DPF3: variants seen among roughly 807,000 people sequenced by gnomAD.
DPF3 encodes the protein double PHD fingers 3.
A neutral mutation model predicts 56.8 loss-of-function variants in DPF3; 18 were observed. That is an observed-to-expected ratio of 0.32 (90% CI 0.22 to 0.47). The LOEUF (loss-of-function observed/expected upper bound fraction) is 0.47. DPF3 is among the 20% of genes least tolerant of loss of function. The pLI, the probability that DPF3 is intolerant of heterozygous loss-of-function variation, is 1.00. For synonymous variants in DPF3, 188 were observed against 180.2 expected, an observed-to-expected ratio of 1.04 and a Z score of -0.35; for missense variants, 403 against 488.8, an observed-to-expected ratio of 0.82 and a Z score of 1.65.
chr14:72,692,964 A>T (rs1391069130), intron 7 of DPF3, 112 bp downstream of exon 7: 2 of 1,534,480 alleles, frequency 1.3e-6, no homozygotes, highest in African/African-American at 2.7e-5. Flanking sequence ...CATTGAGACC[A>T]CTCAACGGTT....
intron 5 of DPF3, among the ~76,000 whole-genome samples, chr14:72,718,146 C>G (rs1468809346): frequency 7.0e-6 from 1 of 143,552 alleles, no homozygotes; most frequent in Non-Finnish European, 1.6e-5. Flanking sequence ...AAGTAGAGGC[C>G]AGAAACCACC....
At chr14:72,830,537 C>T (rs1162531738) in intron 1 of DPF3, among the ~76,000 whole-genome samples, 1 of 151,462 alleles carries the variant, frequency 6.6e-6, no homozygotes, top group Non-Finnish European at 1.5e-5. Flanking sequence ...TGTTCCAAGC[C>T]TCCCTTTCCT....
intron 1 of DPF3, among the ~76,000 whole-genome samples, chr14:72,888,695 A>G (rs1054994922): frequency 6.6e-6 from 1 of 152,256 alleles, no homozygotes; most frequent in Non-Finnish European, 1.5e-5. Flanking sequence ...AATTAGGGCC[A>G]TGCTTACAAA....
intron 5 of DPF3, among the ~76,000 whole-genome samples, chr14:72,721,376 T>C (rs987651232): frequency 3.3e-5 from 5 of 152,162 alleles, no homozygotes; most frequent in Non-Finnish European, 4.4e-5. Flanking sequence ...ATCAGTTTGG[T>C]TGGGGTGAGA....
At chr14:72,776,670 G>C (rs1891754890) in intron 1 of DPF3, among the ~76,000 whole-genome samples, 2 of 152,068 alleles carry the variant, frequency 1.3e-5, no homozygotes, top group East Asian at 3.9e-4. Flanking sequence ...GACCACACCT[G>C]CTTGCTCCGA....
chr14:72,624,936 T>G (rs1175337792), intron 9 of DPF3, among the ~76,000 whole-genome samples: 1 of 152,262 alleles, frequency 6.6e-6, no homozygotes, highest in Admixed American at 6.5e-5. Context: ...GTACGTCTTA[T>G]TACTTGTAAT....
chr14:72,797,495 A>G (rs1892691321), intron 1 of DPF3, among the ~76,000 whole-genome samples: 1 of 152,238 alleles, frequency 6.6e-6, no homozygotes, highest in African/African-American at 2.4e-5. Flanking sequence ...GTTACACAGT[A>G]AACGCTTCAT....
At chr14:72,800,321 C>T (rs1892819937) in intron 1 of DPF3, among the ~76,000 whole-genome samples, 1 of 152,162 alleles carries the variant, frequency 6.6e-6, no homozygotes, top group African/African-American at 2.4e-5. Context: ...ACTTTACCTG[C>T]CTGGTCCCTT....
chr14:72,881,953 G>C (rs1266586644), intron 1 of DPF3, among the ~76,000 whole-genome samples: 1 of 152,188 alleles, frequency 6.6e-6, no homozygotes, highest in Non-Finnish European at 1.5e-5. Flanking sequence ...AGTGAAGGGG[G>C]GGAAGATAAG....
chr14:72,836,312 C>A, intron 1 of DPF3: 2 of 985,666 alleles, frequency 2.0e-6, no homozygotes, highest in Non-Finnish European at 2.4e-6. Context: ...CCAGGGCAAC[C>A]CTGGATAATA....
intron 1 of DPF3, among the ~76,000 whole-genome samples, chr14:72,846,334 T>TG (rs1884756641): frequency 7.5e-6 from 1 of 134,074 alleles, no homozygotes; most frequent in African/African-American, 2.9e-5. Context: ...TAGTCTTTTT[T>TG]TTTTTTTTTT....
rs1337158545 is a variant in DPF3 at position 72,845,209 on chromosome 14, G to T, written c.32+48848C>A. On this transcript the variant is annotated intron_variant, in intron 1 of 10. Coordinates refer to ENST00000556509, the MANE Select transcript of DPF3 (RefSeq NM_001280542.3). Reference sequence around the variant, plus strand: ...TAAGGGAAAAAGAACAAAATACTGAGCCCAGTAGTAAGGAAAGAACAGTGA... The same window carrying T: ...TAAGGGAAAAAGAACAAAATACTGATCCCAGTAGTAAGGAAAGAACAGTGA... Among the ~76,000 whole-genome samples the T allele has an allele frequency of 2.3e-5, 3 of 131,858 alleles. No homozygotes were observed. In the Admixed American group the frequency reaches 2.3e-4, roughly 10 times the overall value. The allele number at this position is 131,858 out of a possible 152,430, so 86.5% of individuals were successfully genotyped here.
intron 8 of DPF3, among the ~76,000 whole-genome samples, chr14:72,667,104 G>A (rs536548099): frequency 6.6e-6 from 1 of 152,234 alleles, no homozygotes; most frequent in South Asian, 2.1e-4. Context: ...AACCCTTAAA[G>A]GGATGCTATT....
At chr14:72,733,844 G>A (rs142067902) in intron 3 of DPF3, among the ~76,000 whole-genome samples, 7 of 152,294 alleles carry the variant, frequency 4.6e-5, no homozygotes, top group Non-Finnish European at 7.3e-5. Context: ...ATGAGGAAGC[G>A]GCAAGCGGGC....
intron 6 of DPF3, among the ~76,000 whole-genome samples, chr14:72,709,916 C>G (rs919697186): frequency 1.3e-5 from 2 of 152,166 alleles, no homozygotes; most frequent in East Asian, 1.9e-4. Flanking sequence ...GAAAACACTT[C>G]GAGGAAAAAA....
rs930818001 is a variant in DPF3, at chr14:72,688,148, T to C, written c.742+4928A>G. ...TGGATGGATAGATGGACAGATGAGA[T>C]GGATGATGGATGGATGGATGGATGG... is the stretch of plus-strand genomic sequence containing the variant. On this transcript the variant is annotated intron_variant, in intron 7 of 10. Coordinates refer to ENST00000556509, the MANE Select transcript of DPF3 (RefSeq NM_001280542.3). 1.4e-4 allele frequency among the ~76,000 whole-genome samples: 18 copies of C among 130,740 alleles called. No individual in the cohort carries two copies. The Admixed American group carries it at 1.6e-3, about 11-fold the overall frequency. The allele number at this position is 130,740 out of a possible 152,430, so 85.8% of individuals were successfully genotyped here.
intron 4 of DPF3, among the ~76,000 whole-genome samples, chr14:72,729,715 G>A (rs369657490): frequency 2.0e-5 from 3 of 152,294 alleles, no homozygotes; most frequent in East Asian, 3.9e-4. Context: ...TGACATCCTG[G>A]AAGAGGCAAA....
At chr14:72,688,526 CT>C (rs139245307) in intron 7 of DPF3, among the ~76,000 whole-genome samples, 11,578 of 152,114 alleles carry the variant, frequency 0.076, 1,088 homozygotes, top group African/African-American at 0.22. Flanking sequence ...CATCACAAGC[CT>C]ATGTTAAGGG....
Position 72,612,486 on chromosome 14 carries a change from C to CA in DPF3, c.*6810dup. 1.9e-6 allele frequency: 1 copy of CA among 518,550 alleles called. No homozygotes were observed. The highest frequency in any genetic ancestry group is 3.8e-6 in the Non-Finnish European group (1 of 259,772). 32.1% of individuals were successfully genotyped at this position (518,550 alleles called of 1,614,324 possible). A position where few individuals can be genotyped will look rare whatever the true frequency, so the allele number is the denominator to read the frequency against. ...TCTTCAACTACATGTTGAAAATGTG[C>CA]ACGGGGTATATTTTCTTTTTCCTAT... On this transcript the variant is annotated 3_prime_UTR_variant, in exon 11 of 11. Coordinates refer to ENST00000556509, the MANE Select transcript of DPF3 (RefSeq NM_001280542.3).
Sources: allele counts gnomAD v4.1 joint callset (sites outside exome capture counted in the v4.1 genomes callset), GRCh38; gene constraint gnomAD v4.1.1; transcripts MANE v1.5; gene names NCBI Gene and HGNC (gene_info 2026-07-23, HGNC 2026-07-21).